COMT: variants seen among roughly 807,000 people sequenced by gnomAD.
The protein encoded by COMT is catechol-O-methyltransferase.
Under a neutral mutation model 18.9 loss-of-function variants are expected in COMT, and 13 were observed. The ratio of observed to expected loss-of-function variants is 0.69; its 90% CI spans 0.45 to 1.09. The LOEUF (loss-of-function observed/expected upper bound fraction) is 1.09. Among genes scored for constraint, COMT ranks in the 50% least tolerant of loss-of-function variants. The pLI is 0.00. For missense variants in COMT, 329 were observed against 361.8 expected, an observed-to-expected ratio of 0.91 and a Z score of 0.73; for synonymous variants, 150 against 160.9, an observed-to-expected ratio of 0.93 and a Z score of 0.51.
chr22:19,942,608 C>G (rs1941758174), intron 1 of COMT, among the ~76,000 whole-genome samples: 1 of 152,154 alleles, frequency 6.6e-6, no homozygotes. Context: ...ATTTTTGTGT[C>G]CTGTTGCTTT....
intron 5 of COMT, chr22:19,967,393 A>AT (rs61143203): frequency 0.19 from 69,793 of 359,096 alleles, 2,695 homozygotes; most frequent in African/African-American, 0.33. Context: ...TTGCTAGGAC[A>AT]TTTTTTTTTT....
intron 1 of COMT, among the ~76,000 whole-genome samples, chr22:19,949,133 C>T (rs760567796): frequency 2.0e-5 from 3 of 151,926 alleles, no homozygotes; most frequent in Non-Finnish European, 4.4e-5. Context: ...TTTCTGTATC[C>T]ATTCACAGTT....
intron 5 of COMT, among the ~76,000 whole-genome samples, chr22:19,966,743 A>C (rs993102912): frequency 1.3e-5 from 2 of 151,426 alleles, no homozygotes; most frequent in African/African-American, 4.9e-5. Flanking sequence ...TGAGGCTCCA[A>C]CTTTTTGTTG....
chr22:19,945,116 T>C (rs1407051427), intron 1 of COMT, among the ~76,000 whole-genome samples: 17 of 152,226 alleles, frequency 1.1e-4, no homozygotes, highest in Admixed American at 1.1e-3. Context: ...TTGAGCTTTT[T>C]AAAGCCTTTC....
intron 1 of COMT, among the ~76,000 whole-genome samples, chr22:19,958,547 C>T (rs1406367724): frequency 1.4e-5 from 2 of 145,014 alleles, no homozygotes; most frequent in Non-Finnish European, 3.0e-5. Flanking sequence ...CATTTCATCA[C>T]ATCCTTGCTA....
intron 5 of COMT, chr22:19,964,694 G>T (rs1942297020): frequency 3.6e-6 from 2 of 552,586 alleles, no homozygotes; most frequent in Admixed American, 3.1e-5. Flanking sequence ...CTCGTGCAAA[G>T]AAAGCATGTG....
rs11912354 is a variant in COMT at position 19,959,824 on chromosome 22, G to C, written c.-91-1375G>C. On this transcript the variant is annotated intron_variant, in intron 1 of 5. Coordinates refer to ENST00000361682, the MANE Select transcript of COMT (RefSeq NM_000754.4). ...TCCCCCATGGCTCTTGGCCGTTGGG[G>C]CCCAGTTGGCCGCAGAGCCTTTGGC... Among the ~76,000 whole-genome samples, 370 of 23,810 alleles carry C rather than the reference G, an allele frequency of 0.016. 1 individual carries two copies. The Middle Eastern group carries it at 0.22, about 14-fold the overall frequency. 15.6% of individuals were successfully genotyped at this position (23,810 alleles called of 152,430 possible).
chr22:19,942,871 C>T (rs901953545), intron 1 of COMT, among the ~76,000 whole-genome samples: 6 of 152,138 alleles, frequency 3.9e-5, no homozygotes, highest in African/African-American at 1.4e-4. Context: ...GGAGGGTTGG[C>T]CCCTGTGAAA....
chr22:19,962,547 G>A lies in COMT; in HGVS notation c.21G>A (p.Leu7=). The A allele has an allele frequency of 6.4e-7, 1 of 1,556,928 alleles. No individual in the cohort carries two copies. Among genetic ancestry groups the A allele is most frequent in the Admixed American group, 1.9e-5 (1 of 52,034 alleles). The change falls in exon 3 of 6, where the codon CTG becomes CTA. Residue 7 remains leucine (L), a synonymous_variant. Transcript: ENST00000361682. The part of the protein sequence containing the change: MPEAPP[L]LLAAVLLGLV... The stretch of plus-strand genomic sequence containing the variant: ...TGCAGATGCCGGAGGCCCCGCCTCT[G>A]CTGTTGGCAGCTGTGTTGCTGGGCC...
intron 5 of COMT, chr22:19,964,648 C>A (rs572487155): frequency 6.8e-6 from 4 of 589,232 alleles, no homozygotes; most frequent in African/African-American, 5.6e-5. Context: ...AAGGGCCGCT[C>A]TGGGCCCAGC....
Position 19,968,665 on chromosome 22 carries a change from G to T in COMT, c.745G>T (p.Glu249Ter). The change falls in exon 6 of 6, where the codon GAA becomes TAA. Residue 249 changes from glutamate to a stop codon, truncating the protein, a stop_gained. Transcript: ENST00000361682. LOFTEE classifies it low-confidence loss of function (END_TRUNC). ...FECTHYQSFLEYREVVDGLEK... is the reference protein window; with the variant it reads ...FECTHYQSFL ...GTGCACACACTACCAATCGTTCCTGGAATACAGGGAGGTGGTGGACGGCCT... is the reference window on the plus strand; with the variant it reads ...GTGCACACACTACCAATCGTTCCTGTAATACAGGGAGGTGGTGGACGGCCT... The T allele has an allele frequency of 1.2e-6, 2 of 1,613,978 alleles. No homozygotes were observed. The highest frequency in any genetic ancestry group is 1.7e-6 in the Non-Finnish European group (2 of 1,180,006).
chr22:19,969,867 G>A lies in COMT; in HGVS notation c.*1131G>A, dbSNP rs929949899. On this transcript the variant is annotated 3_prime_UTR_variant, in exon 6 of 6. Coordinates refer to ENST00000361682, the MANE Select transcript of COMT (RefSeq NM_000754.4). ...CACAAGGGAGAAGCCAGCCACTTGT[G>A]CCAGACCTGAGTGGCAGAAAGCAAA... is the stretch of plus-strand genomic sequence containing the variant. 5.1e-6 allele frequency: 5 copies of A among 985,326 alleles called. No individual in the cohort carries two copies. The highest frequency in any genetic ancestry group is 1.7e-5 in the African/African-American group (1 of 57,228). The allele number at this position is 985,326 out of a possible 1,614,324, so 61.0% of individuals were successfully genotyped here.
Position 19,968,902 on chromosome 22 carries a change from G to C in COMT, c.*166G>C. 1 of 638,896 alleles carries C rather than the reference G, an allele frequency of 1.6e-6. No individual in the cohort carries two copies. Among genetic ancestry groups the C allele is most frequent in the Non-Finnish European group, 2.8e-6 (1 of 359,012 alleles). 39.6% of individuals were successfully genotyped at this position (638,896 alleles called of 1,614,324 possible). A position where few individuals can be genotyped will look rare whatever the true frequency, so the allele number is the denominator to read the frequency against. ...GCTAACCTCTCTGAACTGCAACACT[G>C]GATTGTTCTTTTTTAAGACTCAATC... is the stretch of plus-strand genomic sequence containing the variant. On this transcript the variant is annotated 3_prime_UTR_variant, in exon 6 of 6. Coordinates refer to ENST00000361682, the MANE Select transcript of COMT (RefSeq NM_000754.4).
At chr22:19,967,141 T>G (rs775094798) in intron 5 of COMT, 56 of 1,298,660 alleles carry the variant, frequency 4.3e-5, no homozygotes, top group Non-Finnish European at 5.6e-5. Flanking sequence ...CTTCCCTCCT[T>G]CTTTCCTGTT....
chr22:19,949,732 A>G (rs184656757), intron 1 of COMT, among the ~76,000 whole-genome samples: 1 of 152,068 alleles, frequency 6.6e-6, no homozygotes, highest in African/African-American at 2.4e-5. Context: ...TAAAGCACTG[A>G]GATTACAGGC....
intron 1 of COMT, among the ~76,000 whole-genome samples, chr22:19,960,749 T>C (rs1942174895): frequency 6.6e-6 from 1 of 152,278 alleles, no homozygotes; most frequent in South Asian, 2.1e-4. Context: ...AGCTGCATGT[T>C]GGCCACTGTG....
At chr22:19,962,504 G>GCGCC in intron 2 of COMT, 23 bp from the exon 3 acceptor site, 12 of 1,542,702 alleles carry the variant, frequency 7.8e-6, no homozygotes, top group East Asian at 2.4e-5. Context: ...GAGCACTGGC[G>GCGCC]CCCCTCCCCT....
chr22:19,964,032 T>C, intron 4 of COMT, 136 bp from the exon 5 acceptor site: 1 of 1,552,820 alleles, frequency 6.4e-7, no homozygotes. Context: ...TAAAGAAAAC[T>C]GATGAATGCT....
chr22:19,944,395 A>C (rs1941801088), intron 1 of COMT, among the ~76,000 whole-genome samples: 1 of 152,014 alleles, frequency 6.6e-6, no homozygotes, highest in Non-Finnish European at 1.5e-5. Context: ...AAAAATACAA[A>C]ACATTAGCCG....
Sources: allele counts gnomAD v4.1 joint callset (sites outside exome capture counted in the v4.1 genomes callset), GRCh38; gene constraint gnomAD v4.1.1; transcripts MANE v1.5; gene names NCBI Gene and HGNC (gene_info 2026-07-23, HGNC 2026-07-21).